The following MCF2 variants were observed in gnomAD, a reference collection of about 807,000 sequenced individuals.
MCF2 encodes proto-oncogene DBL.
In MCF2, 44 loss-of-function variants were observed where a neutral mutation model predicts 82.5. The observed-to-expected ratio is 0.53, with a 90% CI of 0.42 to 0.69. The LOEUF (loss-of-function observed/expected upper bound fraction) is 0.69. MCF2 is among the 30% of genes least tolerant of loss of function. MCF2 has a pLI of 0.00. For synonymous variants in MCF2, 217 were observed against 224.9 expected, an observed-to-expected ratio of 0.96 and a Z score of 0.32; for missense variants, 623 against 663.1, an observed-to-expected ratio of 0.94 and a Z score of 0.66.
intron 3 of MCF2, among the ~76,000 whole-genome samples, 162 bp from the exon 7 acceptor site, chrX:139,630,006 C>T (rs1282381788): frequency 3.6e-5 from 4 of 111,722 alleles, no homozygotes; most frequent in African/African-American, 1.3e-4. Context: ...TGGCAATCAA[C>T]TGTAACTCTT....
At chrX:139,619,591 G>T in exon 7 of MCF2, 1 of 1,144,931 alleles carries the variant, frequency 8.7e-7, no homozygotes, top group Non-Finnish European at 1.2e-6. Flanking sequence ...TCTTACCTGA[G>T]AATTTTCATC....
At chrX:139,701,232 T>C (rs968964232) in intron 1 of MCF2, among the ~76,000 whole-genome samples, 5 of 111,985 alleles carry the variant, frequency 4.5e-5, no homozygotes, top group Non-Finnish European at 9.4e-5. Flanking sequence ...CACCAGTTTT[T>C]CTAGATCTCA....
At chrX:139,680,965 G>C (rs760407197) in intron 1 of MCF2, among the ~76,000 whole-genome samples, 68 of 112,306 alleles carry the variant, frequency 6.1e-4, no homozygotes, top group Non-Finnish European at 9.9e-4. Flanking sequence ...AAACTGACAA[G>C]TGCAAAATTA....
chrX:139,707,982 G>GA (rs1935623267), intron 1 of MCF2, 124 bp downstream of exon 1: 1 of 111,701 alleles, frequency 9.0e-6, no homozygotes, highest in South Asian at 3.8e-4. Flanking sequence ...GGGAAAAGGG[G>GA]AAACTACTAC....
intron 1 of MCF2, among the ~76,000 whole-genome samples, chrX:139,695,125 G>A (rs768537025): frequency 5.1e-4 from 55 of 108,587 alleles, no homozygotes; most frequent in African/African-American, 1.7e-3. Context: ...CTGCCTCCTG[G>A]GTTCAAGCAA....
At chrX:139,694,727 C>T (rs919218889) in intron 1 of MCF2, among the ~76,000 whole-genome samples, 2 of 110,942 alleles carry the variant, frequency 1.8e-5, no homozygotes, top group African/African-American at 3.3e-5. Flanking sequence ...TTAATTATAG[C>T]CCCAAATTGG....
chrX:139,640,862 A>C (rs1279403216), intron 1 of MCF2, among the ~76,000 whole-genome samples: 1 of 110,932 alleles, frequency 9.0e-6, no homozygotes, highest in African/African-American at 3.3e-5. Flanking sequence ...AACACAGGAA[A>C]GAATCAAGGA....
intron 1 of MCF2, among the ~76,000 whole-genome samples, chrX:139,652,778 G>A (rs1055317206): frequency 3.6e-5 from 4 of 110,353 alleles, no homozygotes; most frequent in African/African-American, 1.3e-4. Context: ...TCAAAGTCCT[G>A]GTCTCTGGTG....
At chrX:139,606,016 CAT>C (rs71534302) in intron 12 of MCF2, among the ~76,000 whole-genome samples, 184 of 96,716 alleles carry the variant, frequency 1.9e-3, no homozygotes, top group South Asian at 6.5e-3. Flanking sequence ...ATATATATAA[CAT>C]ATATATATAT....
chrX:139,629,838 C>T, exon 4 of MCF2: 2 of 1,205,364 alleles, frequency 1.7e-6, no homozygotes, highest in Non-Finnish European at 2.2e-6. Flanking sequence ...GCAAAATTTT[C>T]TATAGCCTGC....
At chrX:139,588,761 AC>A (rs1241523382) in intron 20 of MCF2, among the ~76,000 whole-genome samples, 2 of 107,302 alleles carry the variant, frequency 1.9e-5, no homozygotes, top group Non-Finnish European at 1.9e-5. Flanking sequence ...TACTACTACT[AC>A]TAATAATAAT....
chrX:139,617,307 T>A (rs907590195), intron 8 of MCF2, among the ~76,000 whole-genome samples: 7 of 111,600 alleles, frequency 6.3e-5, no homozygotes, highest in African/African-American at 2.3e-4. Flanking sequence ...AGTTCATTGG[T>A]AGATGGATGA....
At chrX:139,595,189 A>C (rs1220136418) in intron 19 of MCF2, among the ~76,000 whole-genome samples, 6 of 108,510 alleles carry the variant, frequency 5.5e-5, no homozygotes, top group Non-Finnish European at 7.7e-5. Flanking sequence ...GGGATCTAGA[A>C]CTAGAAATAC....
At chrX:139,665,000 T>G (rs1217190883) in intron 1 of MCF2, among the ~76,000 whole-genome samples, 2 of 111,446 alleles carry the variant, frequency 1.8e-5, no homozygotes, top group East Asian at 5.7e-4. Context: ...GGGGGCCTCA[T>G]GACTCTGCTT....
Position 139,616,314 on chromosome X carries a change from C to A in MCF2, c.1159G>T (p.Glu387Ter). The change falls in exon 9 of 25, where the codon GAA becomes TAA. Residue 387 changes from glutamate (E) to a stop codon, truncating the protein, a stop_gained. Coordinates refer to ENST00000370576, the Ensembl canonical transcript of MCF2. LOFTEE classifies it high-confidence loss of function. ...TCAGGAGATAATATTACATCAAATT[C>A]ATACTGCAGTGTTTCAGGTTCATAA... 8.8e-7 allele frequency: 1 copy of A among 1,137,987 alleles called. No homozygotes were observed. The allele number at this position is 1,137,987 out of a possible 1,213,427, so 93.8% of individuals were successfully genotyped here. A position where few individuals can be genotyped will look rare whatever the true frequency, so the allele number is the denominator to read the frequency against.
At chrX:139,592,648 T>C (rs922589905) in intron 19 of MCF2, among the ~76,000 whole-genome samples, 2 of 111,622 alleles carry the variant, frequency 1.8e-5, no homozygotes, top group African/African-American at 6.5e-5. Context: ...TCTATGTTTA[T>C]TAATTACTTA....
At chrX:139,658,050 C>T (rs1339216104) in intron 1 of MCF2, among the ~76,000 whole-genome samples, 2 of 110,505 alleles carry the variant, frequency 1.8e-5, no homozygotes, top group Admixed American at 9.6e-5. Flanking sequence ...GGTATATTCT[C>T]AGCAACAGTA....
At chrX:139,614,957 C>T (rs746122714) in exon 10 of MCF2, 1 of 1,209,668 alleles carries the variant, frequency 8.3e-7, no homozygotes, top group Non-Finnish European at 1.1e-6. Flanking sequence ...GGATTGGCCT[C>T]ACATGCTTAT....
At chrX:139,656,154 C>T (rs899040108) in intron 1 of MCF2, among the ~76,000 whole-genome samples, 2 of 111,972 alleles carry the variant, frequency 1.8e-5, no homozygotes, top group Non-Finnish European at 3.8e-5. Context: ...CTCTGCCTCC[C>T]GGGTTGACAC....
Sources: allele counts gnomAD v4.1 joint callset (sites outside exome capture counted in the v4.1 genomes callset), GRCh38; gene constraint gnomAD v4.1.1; transcripts MANE v1.5; gene names NCBI Gene and HGNC (gene_info 2026-07-23, HGNC 2026-07-21).